Variants in TSPAN1 observed in about 807,000 individuals in gnomAD.
TSPAN1 encodes the protein tetraspanin-1.
Under a neutral mutation model 26.9 loss-of-function variants are expected in TSPAN1, and 23 were observed. The observed-to-expected ratio is 0.85, with a 90% confidence interval of 0.62 to 1.21. The LOEUF is 1.21. Ranked by LOEUF, TSPAN1 falls within the 50% of genes most tolerant of loss-of-function variation. The probability of loss-of-function intolerance (pLI) is 0.00; values close to 1 mark genes in which losing one functional copy is unlikely to be tolerated. For missense variants in TSPAN1, 283 were observed against 298.4 expected, an observed-to-expected ratio of 0.95 and a Z score of 0.38; for synonymous variants, 115 against 114.8, an observed-to-expected ratio of 1.00 and a Z score of -0.01.
chr1:46,176,445 G>T, intron 1 of TSPAN1: 1 of 1,535,756 alleles, frequency 6.5e-7, no homozygotes, highest in Non-Finnish European at 8.7e-7. Context: ...GGGGCCGAGG[G>T]CCACGGACAA....
chr1:46,183,187 C>A (rs971506834), intron 3 of TSPAN1, among the ~76,000 whole-genome samples: 3 of 152,116 alleles, frequency 2.0e-5, no homozygotes, highest in African/African-American at 2.4e-5. Flanking sequence ...AGGCTCTGCC[C>A]TGAGAGGGTT....
the TSPAN1 span, chr1:46,195,986 T>C: frequency 6.2e-7 from 1 of 1,614,122 alleles, no homozygotes. Flanking sequence ...TCCAGCCCTC[T>C]GGGTCACCCA....
downstream of TSPAN1, among the ~76,000 whole-genome samples, chr1:46,187,536 C>T (rs765711396): frequency 6.6e-5 from 10 of 152,204 alleles, no homozygotes; most frequent in African/African-American, 1.2e-4. Context: ...CAGAACCAAA[C>T]AGTGCCTTAG....
chr1:46,192,552 T>TC, the TSPAN1 span: 2 of 1,614,176 alleles, frequency 1.2e-6, no homozygotes, highest in Non-Finnish European at 1.7e-6. Context: ...GTACAGGCTG[T>TC]CATCCTCCTC....
chr1:46,175,588 A>G (rs1031643166), intron 1 of TSPAN1, 179 bp downstream of exon 1: 3 of 399,136 alleles, frequency 7.5e-6, no homozygotes, highest in African/African-American at 4.1e-5. Flanking sequence ...GGGCACTTCT[A>G]GAGGATCAGA....
downstream of TSPAN1, among the ~76,000 whole-genome samples, chr1:46,186,701 G>A (rs375075856): frequency 2.2e-5 from 3 of 133,530 alleles, no homozygotes; most frequent in African/African-American, 8.5e-5. Flanking sequence ...TCTCGCTGTC[G>A]CCCAGGCTGG....
Position 46,181,129 on chromosome 1 carries a change from A to G in TSPAN1, c.22A>G (p.Lys8Glu). Residue 8 changes from lysine to glutamate, a missense_variant, in exon 3 of 9, where the codon AAG becomes GAG. Physicochemically the swap from Lys to Glu is moderately conservative, Grantham distance 56. Coordinates refer to ENST00000372003, the MANE Select transcript of TSPAN1 (RefSeq NM_005727.4). ...CACCATGCAGTGCTTCAGCTTCATT[A>G]AGACCATGATGATCCTCTTCAATTT... MQCFSFI[K>E]TMMILFNLLI... 1 of 1,613,926 alleles carries G rather than the reference A, an allele frequency of 6.2e-7. No homozygotes were observed. The highest frequency in any genetic ancestry group is 8.5e-7 in the Non-Finnish European group (1 of 1,179,902).
In TSPAN1 at chr1:46,184,582, T is replaced by C; in HGVS notation, c.265-12T>C. On this transcript the variant is annotated splice_polypyrimidine_tract_variant and intron_variant, in intron 4 of 8. Coordinates refer to ENST00000372003, the MANE Select transcript of TSPAN1 (RefSeq NM_005727.4). Reference sequence around the variant, plus strand: ...TCTCTCCCTAAAACCCAGACCCCTGTTCCCCACTCAGTTCTTCTTCATCCT... The same window carrying C: ...TCTCTCCCTAAAACCCAGACCCCTGCTCCCCACTCAGTTCTTCTTCATCCT... The C allele has an allele frequency of 6.2e-7, 1 of 1,614,004 alleles. No homozygotes were observed. Among genetic ancestry groups the C allele is most frequent in the South Asian group, 1.1e-5 (1 of 91,078 alleles).
At chr1:46,189,632 C>T, downstream of TSPAN1, 5 of 1,565,810 alleles carry the variant, frequency 3.2e-6, no homozygotes, top group South Asian at 2.3e-5. Flanking sequence ...TCACTGACGA[C>T]CCTTTGGCCC....
Position 46,185,524 on chromosome 1 carries a change from T to C in TSPAN1, c.717T>C (p.Asn239=), listed in dbSNP as rs552603653. Residue 239 remains asparagine (N), a synonymous_variant, in exon 9 of 9, where the codon AAT becomes AAC. Coordinates refer to ENST00000372003, the MANE Select transcript of TSPAN1 (RefSeq NM_005727.4). ...TTGTGTCCATGTATCTGTACTGCAA[T>C]CTACAATAAGTCCACTTCTGCCTCT... ...AMIVSMYLYC[N]LQ is the part of the protein sequence containing the mutation. 7.4e-6 allele frequency: 12 copies of C among 1,614,168 alleles called. No homozygotes were observed. The African/African-American group carries it at 1.6e-4, about 22-fold the overall frequency.
rs771097554 is a variant in TSPAN1, at chr1:46,184,593, GTTC to G, written c.271_273del (p.Phe91del). On this transcript the variant is annotated inframe_deletion and splice_region_variant, in exon 5 of 9. Coordinates refer to ENST00000372003, the MANE Select transcript of TSPAN1 (RefSeq NM_005727.4). ...AACCCAGACCCCTGTTCCCCACTCA[GTTC>G]TTCTTCATCCTCCTCCTCATCTTCA... The G allele has an allele frequency of 7.4e-6, 12 of 1,614,054 alleles. No homozygotes were observed. Among genetic ancestry groups the G allele is most frequent in the Admixed American group, 1.7e-5 (1 of 60,004 alleles).
At chr1:46,181,727 GGCA>G (rs1199270240) in intron 3 of TSPAN1, among the ~76,000 whole-genome samples, 4 of 152,232 alleles carry the variant, frequency 2.6e-5, no homozygotes, top group Non-Finnish European at 5.9e-5. Context: ...AAGCCAGATA[GGCA>G]GATAATAACA....
downstream of TSPAN1, chr1:46,189,173 C>A: frequency 1.3e-6 from 2 of 1,528,936 alleles, no homozygotes; most frequent in South Asian, 1.3e-5. Flanking sequence ...GTAGCCCCAG[C>A]CCCTACCAGC....
At chr1:46,189,281 C>T (rs1366257979), downstream of TSPAN1, 1 of 1,613,272 alleles carries the variant, frequency 6.2e-7, no homozygotes, top group African/African-American at 1.3e-5. Flanking sequence ...CATGTCTGTT[C>T]TGGGGCTCCT....
At chr1:46,176,746 A>T (rs1657181823) in intron 1 of TSPAN1, among the ~76,000 whole-genome samples, 1 of 152,262 alleles carries the variant, frequency 6.6e-6, no homozygotes, top group African/African-American at 2.4e-5. Context: ...CCATATAGTA[A>T]CAATATTAAC....
chr1:46,190,097 C>CTTTTT (rs946195454), downstream of TSPAN1: 29 of 807,352 alleles, frequency 3.6e-5, no homozygotes, highest in South Asian at 7.9e-5. Context: ...CCTTGAAGTT[C>CTTTTT]TTTTTTTTTT....
downstream of TSPAN1, chr1:46,189,875 GGTGAA>G (rs1302430730): frequency 6.2e-7 from 1 of 1,613,788 alleles, no homozygotes; most frequent in Non-Finnish European, 8.5e-7. Flanking sequence ...GGGTCCAGGT[GGTGAA>G]GTCATCATCT....
chr1:46,195,840 G>A, the TSPAN1 span: 10 of 1,606,660 alleles, frequency 6.2e-6, no homozygotes, highest in Non-Finnish European at 8.5e-6. Context: ...ACTCGGCCGG[G>A]CGCTACCATG....
At chr1:46,191,844 C>A in the TSPAN1 span, 1 of 429,892 alleles carries the variant, frequency 2.3e-6, no homozygotes, top group Non-Finnish European at 4.3e-6. Flanking sequence ...CCATGTTAGC[C>A]AGGATGGTCT....
Sources: allele counts gnomAD v4.1 joint callset (sites outside exome capture counted in the v4.1 genomes callset), GRCh38; gene constraint gnomAD v4.1.1; transcripts MANE v1.5; gene names NCBI Gene and HGNC (gene_info 2026-07-23, HGNC 2026-07-21).